The following ABCA3 variants were observed in gnomAD, a reference collection of about 807,000 sequenced individuals.
ABCA3 encodes ATP binding cassette subfamily A member 3, also known as phospholipid-transporting ATPase ABCA3.
Under a neutral mutation model 172.8 loss-of-function variants are expected in ABCA3, and 88 were observed. That is an observed-to-expected ratio of 0.51 (90% CI 0.43 to 0.61). ABCA3 has a LOEUF of 0.61. ABCA3 is among the 20% of genes least tolerant of loss of function. The pLI, the probability that ABCA3 is intolerant of heterozygous loss-of-function variation, is 0.00. For missense variants in ABCA3, 2,164 were observed against 2,301.0 expected (o/e 0.94, Z 1.22); for synonymous variants, 1,066 against 983.8 (o/e 1.08, Z -1.56).
Position 2,284,473 on chromosome 16 carries a change from GGCACACCACA to G in ABCA3, c.3704-46_3704-37del, listed in dbSNP as rs1658290541. ...GAGGTAAGATCAGTCTGCGCTGGAG[GGCACACCACA>G]CCCACCTCCAGGACGGGCCTGGTCA... On this transcript the variant is annotated intron_variant, in intron 24 of 32. Transcript: ENST00000301732. The surrounding 1 kb of genome is among the most constrained non-coding windows in gnomAD (Gnocchi z 5.9). 1.2e-6 allele frequency: 2 copies of G among 1,612,656 alleles called. No homozygotes were observed. Among genetic ancestry groups the G allele is most frequent in the Non-Finnish European group, 1.7e-6 (2 of 1,179,632 alleles).
chr16:2,295,445 A>G, intron 18 of ABCA3, 145 bp downstream of exon 18: 1 of 1,253,602 alleles, frequency 8.0e-7, no homozygotes, highest in East Asian at 2.3e-5. Context: ...ATCTGGGCTG[A>G]TGGTGCCCAG....
intron 8 of ABCA3, among the ~76,000 whole-genome samples, chr16:2,318,798 C>G (rs1476443510): frequency 6.6e-6 from 1 of 152,130 alleles, no homozygotes; most frequent in East Asian, 1.9e-4. Flanking sequence ...CAGGTGTGAG[C>G]CAGTGCCCAG....
At chr16:2,314,970 T>C (rs1352218590) in intron 10 of ABCA3, among the ~76,000 whole-genome samples, 1 of 148,106 alleles carries the variant, frequency 6.8e-6, no homozygotes, top group Non-Finnish European at 1.5e-5. Flanking sequence ...CTCCGCCTCC[T>C]GGGTTCAAGC....
At chr16:2,331,130 T>C (rs919054717) in intron 1 of ABCA3, among the ~76,000 whole-genome samples, 1 of 152,258 alleles carries the variant, frequency 6.6e-6, no homozygotes. Context: ...AAGTTTTGCA[T>C]ATCACTCCTA....
At chr16:2,292,117 G>T in intron 19 of ABCA3, 23 bp downstream of exon 19, 1 of 1,589,788 alleles carries the variant, frequency 6.3e-7, no homozygotes, top group Non-Finnish European at 8.6e-7. Context: ...GTCCTAGGTG[G>T]ACGGAAATGC....
chr16:2,334,618 T>C (rs1425366366), intron 1 of ABCA3, among the ~76,000 whole-genome samples: 1 of 150,298 alleles, frequency 6.7e-6, no homozygotes, highest in Non-Finnish European at 1.5e-5. Context: ...TTCAAGTAAG[T>C]GATTCTCCTG....
intron 13 of ABCA3, 72 bp downstream of exon 13, chr16:2,299,933 C>T: frequency 6.3e-7 from 1 of 1,599,596 alleles, no homozygotes; most frequent in Admixed American, 1.7e-5. Flanking sequence ...TATGAGGTCT[C>T]ACTGCCGTGC....
At chr16:2,302,052 G>C (rs933846179) in intron 12 of ABCA3, among the ~76,000 whole-genome samples, 1 of 152,262 alleles carries the variant, frequency 6.6e-6, no homozygotes, top group Non-Finnish European at 1.5e-5. Context: ...TGTTCCTGCT[G>C]CAAGTAATTC....
intron 18 of ABCA3, among the ~76,000 whole-genome samples, chr16:2,293,133 G>A (rs2093674650): frequency 6.6e-6 from 1 of 150,696 alleles, no homozygotes; most frequent in Non-Finnish European, 1.5e-5. Flanking sequence ...CTCACTGCAA[G>A]CTCCGCCTCC....
At chr16:2,306,433 T>C (rs2093697691) in intron 11 of ABCA3, among the ~76,000 whole-genome samples, 1 of 152,224 alleles carries the variant, frequency 6.6e-6, no homozygotes, top group African/African-American at 2.4e-5. Context: ...CAGAAGACAC[T>C]GCCGACTGTA....
At chr16:2,320,466 T>G (rs2141734000) in intron 7 of ABCA3, among the ~76,000 whole-genome samples, 1 of 150,486 alleles carries the variant, frequency 6.6e-6, no homozygotes, top group East Asian at 2.0e-4. Flanking sequence ...CTCGGCTCAC[T>G]GCAACGTCTG....
At chr16:2,324,918 G>T (rs2093731984) in intron 5 of ABCA3, among the ~76,000 whole-genome samples, 1 of 152,212 alleles carries the variant, frequency 6.6e-6, no homozygotes, top group Non-Finnish European at 1.5e-5. Context: ...TGCTAACTCA[G>T]AGTGTCTCAA....
chr16:2,305,788 C>G (rs576386168), intron 11 of ABCA3, among the ~76,000 whole-genome samples: 1 of 152,274 alleles, frequency 6.6e-6, no homozygotes, highest in East Asian at 1.9e-4. Flanking sequence ...GTTGCCCAGG[C>G]TGGTCTCAAA....
intron 28 of ABCA3, among the ~76,000 whole-genome samples, chr16:2,280,560 C>T (rs932753391): frequency 6.6e-6 from 1 of 152,206 alleles, no homozygotes; most frequent in Non-Finnish European, 1.5e-5. Context: ...ACCATTTCCC[C>T]TGCTCTGCTT....
chr16:2,327,438 GCTTTATT>G (rs1485588546), intron 3 of ABCA3, among the ~76,000 whole-genome samples: 1 of 152,208 alleles, frequency 6.6e-6, no homozygotes, highest in Non-Finnish European at 1.5e-5. Flanking sequence ...TGACTGACCA[GCTTTATT>G]CTTAACCAAC....
Position 2,281,555 on chromosome 16 carries a change from GCGGCTTCCGT to G in ABCA3, c.4036-56_4036-47del. On this transcript the variant is annotated intron_variant, in intron 26 of 32. Transcript: ENST00000301732. This position sits in a 1 kb window ranked among gnomAD's most constrained non-coding sequence, Gnocchi z 4.7. ...CCGCATGCGTGAACCCAGCCGCAGGGCGGCTTCCGTGGAGAAGGGAGGGGCGGGGGTGGAT... is the reference window on the plus strand; with the variant it reads ...CCGCATGCGTGAACCCAGCCGCAGGGGGAGAAGGGAGGGGCGGGGGTGGAT... 1 of 1,608,052 alleles carries G rather than the reference GCGGCTTCCGT, an allele frequency of 6.2e-7. No homozygotes were observed. The highest frequency in any genetic ancestry group is 8.5e-7 in the Non-Finnish European group (1 of 1,177,700).
At chr16:2,314,126 C>T (rs2093711069) in intron 10 of ABCA3, among the ~76,000 whole-genome samples, 1 of 152,128 alleles carries the variant, frequency 6.6e-6, no homozygotes, top group Non-Finnish European at 1.5e-5. Context: ...TAGGATTCAG[C>T]AACTTCACTT....
chr16:2,285,704 G>A lies in ABCA3; in HGVS notation c.3279-58C>T. On this transcript the variant is annotated intron_variant, in intron 22 of 32. Coordinates refer to ENST00000301732, the MANE Select transcript of ABCA3 (RefSeq NM_001089.3). The surrounding 1 kb of genome is among the most constrained non-coding windows in gnomAD (Gnocchi z 4.7). ...ACAGCACGTCTGGGTGGCAGGAGAG[G>A]TCGGGTTCTCGGTTATGACCGCCCA... 12 of 1,532,810 alleles carry A rather than the reference G, an allele frequency of 7.8e-6. No individual in the cohort carries two copies. The highest frequency in any genetic ancestry group is 1.1e-5 in the Non-Finnish European group (12 of 1,132,378). The allele number at this position is 1,532,810 out of a possible 1,614,324, so 95.0% of individuals were successfully genotyped here.
At chr16:2,303,550 G>A (rs1394098380) in intron 12 of ABCA3, among the ~76,000 whole-genome samples, 2 of 152,080 alleles carry the variant, frequency 1.3e-5, no homozygotes, top group Non-Finnish European at 2.9e-5. Flanking sequence ...GATTACAGGC[G>A]TGAGCCACCA....
Sources: allele counts gnomAD v4.1 joint callset (sites outside exome capture counted in the v4.1 genomes callset), GRCh38; gene constraint gnomAD v4.1.1; non-coding constraint Gnocchi (gnomAD v3.1); transcripts MANE v1.5; gene names NCBI Gene and HGNC (gene_info 2026-07-23, HGNC 2026-07-21).